ZNF233: variants seen among roughly 807,000 people sequenced by gnomAD.
ZNF233 encodes the protein zinc finger protein 233.
ZNF233 carries 7 observed loss-of-function variants against 11.6 expected under a neutral mutation model. The ratio of observed to expected loss-of-function variants is 0.60; its 90% CI spans 0.34 to 1.13. ZNF233 has a LOEUF of 1.13. ZNF233 is among the 50% of genes most tolerant of loss of function. The probability of loss-of-function intolerance (pLI) is 0.03; values close to 1 mark genes in which losing one functional copy is unlikely to be tolerated. For synonymous variants in ZNF233, 226 were observed against 268.5 expected, an observed-to-expected ratio of 0.84 and a Z score of 1.55; for missense variants, 711 against 785.5, an observed-to-expected ratio of 0.91 and a Z score of 1.13.
chr19:44,262,428 G>T (rs1233441), intron 1 of ZNF233, among the ~76,000 whole-genome samples: 1 of 151,972 alleles, frequency 6.6e-6, no homozygotes, highest in East Asian at 1.9e-4. Flanking sequence ...CCTGGTACAT[G>T]TAGTGAGCAG....
intron 4 of ZNF233, chr19:44,267,535 T>A (rs1351905658): frequency 5.1e-6 from 2 of 389,024 alleles, no homozygotes; most frequent in Non-Finnish European, 9.0e-6. Flanking sequence ...TTTAAAACTA[T>A]GTATATATAC....
intron 4 of ZNF233, among the ~76,000 whole-genome samples, chr19:44,272,263 GCA>G (rs1975255788): frequency 6.8e-6 from 1 of 147,786 alleles, no homozygotes; most frequent in African/African-American, 2.5e-5. Context: ...CTTTTCCATG[GCA>G]GATGTATAAA....
chr19:44,263,964 G>A (rs1159476373), intron 1 of ZNF233, among the ~76,000 whole-genome samples: 1 of 152,214 alleles, frequency 6.6e-6, no homozygotes, highest in African/African-American at 2.4e-5. Context: ...TTTGAGGAAT[G>A]GGGAGGTTAA....
chr19:44,265,215 G>A (rs1462495557), intron 2 of ZNF233, among the ~76,000 whole-genome samples: 1 of 151,850 alleles, frequency 6.6e-6, no homozygotes, highest in Non-Finnish European at 1.5e-5. Context: ...TCATAGCTTA[G>A]CTCCTACTTA....
At chr19:44,263,572 T>C (rs1286183873) in intron 1 of ZNF233, among the ~76,000 whole-genome samples, 3 of 152,230 alleles carry the variant, frequency 2.0e-5, no homozygotes, top group African/African-American at 7.2e-5. Flanking sequence ...AGATACACCA[T>C]TGAGACTCTC....
chr19:44,274,050 G>C lies in ZNF233; in HGVS notation c.1390G>C (p.Ala464Pro). The C allele has an allele frequency of 6.3e-7, 1 of 1,597,240 alleles. No individual in the cohort carries two copies. Residue 464 changes from alanine to proline, a missense_variant, in exon 5 of 5, where the codon GCC (alanine) becomes CCC (proline). Physicochemically the swap from Ala to Pro is conservative, Grantham distance 27. Coordinates refer to ENST00000683810, the MANE Select transcript of ZNF233 (RefSeq NM_001207005.2). ...GGTATGTGATAAGGGCTTCAGTAAG[G>C]CCTCAAATCTTCAAGCCCATCAGAG... is the stretch of plus-strand genomic sequence containing the variant. Reference protein sequence around the residue: ...CEVCDKGFSKASNLQAHQRIH... With the variant: ...CEVCDKGFSKPSNLQAHQRIH...
In ZNF233 at chr19:44,274,299, C is replaced by T; in HGVS notation, c.1639C>T (p.Gln547Ter). ...KCETCGKGFSQSSHLQDHQQV... is the reference protein window; with the variant it reads ...KCETCGKGFS ...TGAGACATGTGGGAAGGGCTTTAGTCAGAGTTCGCATCTCCAAGACCATCA... is the reference window on the plus strand; with the variant it reads ...TGAGACATGTGGGAAGGGCTTTAGTTAGAGTTCGCATCTCCAAGACCATCA... The change falls in exon 5 of 5, where the codon CAG (glutamine) becomes TAG (stop). Residue 547 changes from glutamine to a stop codon, truncating the protein, a stop_gained. Coordinates refer to ENST00000683810, the MANE Select transcript of ZNF233 (RefSeq NM_001207005.2). LOFTEE classifies it low-confidence loss of function (END_TRUNC). 4 of 1,612,918 alleles carry T rather than the reference C, an allele frequency of 2.5e-6. No homozygotes were observed. Among genetic ancestry groups the T allele is most frequent in the Non-Finnish European group, 3.4e-6 (4 of 1,179,662 alleles).
chr19:44,265,420 TTTTC>T (rs1202803345), intron 2 of ZNF233, among the ~76,000 whole-genome samples: 1 of 151,246 alleles, frequency 6.6e-6, no homozygotes, highest in Non-Finnish European at 1.5e-5. Context: ...CCACGGTTTC[TTTTC>T]TTTTGTTTTT....
rs142958133 is a variant in ZNF233 at position 44,267,056 on chromosome 19, A to G, written c.238+95A>G. On this transcript the variant is annotated intron_variant, in intron 4 of 4. Coordinates refer to ENST00000683810, the MANE Select transcript of ZNF233 (RefSeq NM_001207005.2). ...CCACCAGCCTGGCCCAAGACCCCAG[A>G]ATTCATCGCCCTGGTTTACTGCAGC... The G allele has an allele frequency of 1.4e-3, 1,158 of 856,146 alleles. 13 individuals are homozygous for G. In the East Asian group the frequency reaches 0.025, roughly 19 times the overall value. The allele number at this position is 856,146 out of a possible 1,614,324, so 53.0% of individuals were successfully genotyped here.
intron 4 of ZNF233, among the ~76,000 whole-genome samples, chr19:44,271,780 G>C (rs180704958): frequency 5.7e-4 from 87 of 152,066 alleles, no homozygotes; most frequent in Middle Eastern, 3.4e-3. Flanking sequence ...AAAGTGCTAG[G>C]ATTACAGGTG....
Position 44,266,204 on chromosome 19 carries a change from G to A in ZNF233, c.22G>A (p.Val8Met), listed in dbSNP as rs146480382. MTKFQEM[V>M]TFKDVAVVFT... is the part of the protein sequence containing the mutation. ...CATCTGCTTGATGTTGTAGGAGATG[G>A]TGACATTCAAGGATGTGGCTGTGGT... is the stretch of plus-strand genomic sequence containing the variant. The change falls in exon 3 of 5, where the codon GTG becomes ATG. Residue 8 changes from valine to methionine, a missense_variant. By Grantham distance (21) the Val-to-Met change is conservative. Transcript: ENST00000683810. 2.5e-6 allele frequency: 4 copies of A among 1,609,056 alleles called. No individual in the cohort carries two copies. The highest frequency in any genetic ancestry group is 2.5e-6 in the Non-Finnish European group (3 of 1,177,480).
In ZNF233 at chr19:44,264,381, T is replaced by A; in HGVS notation, c.15+6T>A. ...AGAAAATGACCAAGTTTCAGGTGAG[T>A]TGAGTTTTGATTTTTATCTCTTAAA... On this transcript the variant is annotated splice_donor_region_variant and intron_variant, in intron 2 of 4. Transcript: ENST00000683810. 2.5e-6 allele frequency: 4 copies of A among 1,612,242 alleles called. No individual in the cohort carries two copies.
rs768613329 is a variant in ZNF233 at position 44,273,602 on chromosome 19, T to C, written c.942T>C (p.Tyr314=). 3.0e-5 allele frequency: 48 copies of C among 1,613,998 alleles called. No homozygotes were observed. The highest frequency in any genetic ancestry group is 6.7e-5 in the African/African-American group (5 of 74,896). The change falls in exon 5 of 5, where the codon TAT becomes TAC. Residue 314 remains tyrosine, a synonymous_variant. Transcript: ENST00000683810. ...GTTTCCACATAGGAGAGAAATGCTA[T>C]AGGAATGGTGACAGTGGTGAGGGCT... ...HQCFHIGEKC[Y]RNGDSGEGFS...
At position 44,275,148 on chromosome 19, in the gene ZNF233, G is replaced by GA; in HGVS notation, c.*477dup. ...TACCTAAGAAATAGTGGCTTCCCTG[G>GA]AATTGTTTAACTTGATAGGAAAAAT... On this transcript the variant is annotated 3_prime_UTR_variant, in exon 5 of 5. Transcript: ENST00000683810. The GA allele has an allele frequency of 2.6e-6, 1 of 389,934 alleles. No homozygotes were observed. The highest frequency in any genetic ancestry group is 4.5e-6 in the Non-Finnish European group (1 of 221,212). The allele number at this position is 389,934 out of a possible 1,614,324, so 24.2% of individuals were successfully genotyped here.
At chr19:44,267,042 G>A (rs778673637) in intron 4 of ZNF233, 81 bp downstream of exon 4, 1 of 1,063,968 alleles carries the variant, frequency 9.4e-7, no homozygotes, top group Non-Finnish European at 1.4e-6. Context: ...CACCAGCCTG[G>A]CCCAAGACCC....
chr19:44,260,684 C>T (rs1473331637), intron 1 of ZNF233, among the ~76,000 whole-genome samples: 2 of 152,256 alleles, frequency 1.3e-5, no homozygotes, highest in Non-Finnish European at 2.9e-5. Flanking sequence ...CTTGACTAAC[C>T]GGAGGGCTGC....
At chr19:44,270,444 C>T (rs947481988) in intron 4 of ZNF233, among the ~76,000 whole-genome samples, 1 of 151,980 alleles carries the variant, frequency 6.6e-6, no homozygotes, top group Non-Finnish European at 1.5e-5. Flanking sequence ...TCACTTGAAC[C>T]CCGGAGGCAG....
Position 44,273,387 on chromosome 19 carries a change from T to G in ZNF233, c.727T>G (p.Cys243Gly), listed in dbSNP as rs1423529970. 6.2e-6 allele frequency: 10 copies of G among 1,614,176 alleles called. No homozygotes were observed. The highest frequency in any genetic ancestry group is 7.6e-6 in the Non-Finnish European group (9 of 1,180,016). ...TAGCCACAATAATTGTGGAAAAGAC[T>G]GTGTGAAGGAATCATCCCAGCATAG... Reference protein sequence around the residue: ...AFSHNNCGKDCVKESSQHSII... With the variant: ...AFSHNNCGKDGVKESSQHSII... Residue 243 changes from cysteine (C) to glycine (G), a missense_variant, in exon 5 of 5, where the codon TGT becomes GGT. Physicochemically the swap from Cys to Gly is radical, Grantham distance 159 (BLOSUM62 -3). Transcript: ENST00000683810.
rs1469658537 is a variant in ZNF233, at chr19:44,274,801, A to G, written c.*128A>G. On this transcript the variant is annotated 3_prime_UTR_variant, in exon 5 of 5. Transcript: ENST00000683810. Reference sequence around the variant, plus strand: ...AAATGTCATGTTTTAAGAATTCATGAGCTGAGTTTTTATAGTTATCTGAAT... The same window carrying G: ...AAATGTCATGTTTTAAGAATTCATGGGCTGAGTTTTTATAGTTATCTGAAT... 13 of 805,552 alleles carry G rather than the reference A, an allele frequency of 1.6e-5. No homozygotes were observed. The highest frequency in any genetic ancestry group is 2.2e-5 in the Non-Finnish European group (12 of 546,138). The allele number at this position is 805,552 out of a possible 1,614,324, so 49.9% of individuals were successfully genotyped here. A position where few individuals can be genotyped will look rare whatever the true frequency, so the allele number is the denominator to read the frequency against.
Sources: allele counts gnomAD v4.1 joint callset (sites outside exome capture counted in the v4.1 genomes callset), GRCh38; gene constraint gnomAD v4.1.1; transcripts MANE v1.5; gene names NCBI Gene and HGNC (gene_info 2026-07-23, HGNC 2026-07-21).